ULK4: variants seen among roughly 807,000 people sequenced by gnomAD.
ULK4 encodes the protein unc-51 like kinase 4.
Under a neutral mutation model 160.6 loss-of-function variants are expected in ULK4, and 133 were observed. The ratio of observed to expected loss-of-function variants is 0.83; its 90% CI spans 0.72 to 0.96. ULK4 has a LOEUF of 0.96. Ranked by LOEUF, ULK4 falls within the 40% of genes least tolerant of loss-of-function variation. The pLI, the probability that ULK4 is intolerant of heterozygous loss-of-function variation, is 0.00. For synonymous variants in ULK4, 534 were observed against 539.8 expected (o/e 0.99, Z 0.15); for missense variants, 1,580 against 1,499.5 (o/e 1.05, Z -0.89).
At chr3:41,633,951 T>C (rs1004647932) in intron 30 of ULK4, among the ~76,000 whole-genome samples, 28 of 152,160 alleles carry the variant, frequency 1.8e-4, no homozygotes, top group Admixed American at 2.6e-4. Flanking sequence ...TGATCCTTAT[T>C]GTGAGGTAGT....
chr3:41,386,310 G>T (rs1331258005), intron 35 of ULK4, among the ~76,000 whole-genome samples: 1 of 152,022 alleles, frequency 6.6e-6, no homozygotes, highest in Non-Finnish European at 1.5e-5. Context: ...TCAAACACCA[G>T]ATCACTTTTT....
At chr3:41,925,717 G>A (rs1699361293) in intron 5 of ULK4, among the ~76,000 whole-genome samples, 2 of 152,080 alleles carry the variant, frequency 1.3e-5, no homozygotes, top group Non-Finnish European at 2.9e-5. Flanking sequence ...GCTTGGTGTG[G>A]GGAGGGGCAT....
chr3:41,364,823 C>A (rs2081222496), intron 35 of ULK4, among the ~76,000 whole-genome samples: 1 of 152,054 alleles, frequency 6.6e-6, no homozygotes, highest in Admixed American at 6.6e-5. Flanking sequence ...CTCTCAGATA[C>A]AAATCTTTTT....
intron 16 of ULK4, among the ~76,000 whole-genome samples, chr3:41,892,522 A>C (rs1197159721): frequency 6.6e-6 from 1 of 152,262 alleles, no homozygotes; most frequent in Non-Finnish European, 1.5e-5. Flanking sequence ...CTTAAAAAGG[A>C]ATGAAATGCT....
intron 35 of ULK4, among the ~76,000 whole-genome samples, chr3:41,304,400 AAG>A (rs1314942068): frequency 6.6e-6 from 1 of 152,200 alleles, no homozygotes; most frequent in African/African-American, 2.4e-5. Context: ...ACAAATATTT[AAG>A]AGAAGACAGT....
intron 21 of ULK4, among the ~76,000 whole-genome samples, chr3:41,764,015 T>C (rs1175922797): frequency 6.6e-6 from 1 of 152,238 alleles, no homozygotes; most frequent in Non-Finnish European, 1.5e-5. Context: ...CAAAGGATAA[T>C]ACATTTCTTA....
intron 31 of ULK4, among the ~76,000 whole-genome samples, chr3:41,588,649 T>A (rs1279840143): frequency 6.6e-6 from 1 of 152,152 alleles, no homozygotes; most frequent in African/African-American, 2.4e-5. Context: ...AAGACCTTAT[T>A]CCCTAATGCA....
intron 34 of ULK4, among the ~76,000 whole-genome samples, chr3:41,446,004 C>A (rs1301537334): frequency 2.6e-5 from 4 of 152,010 alleles, no homozygotes; most frequent in Non-Finnish European, 5.9e-5. Context: ...CAAGAATCTA[C>A]AATGAACTCA....
chr3:41,765,765 G>C (rs537820623), intron 21 of ULK4, among the ~76,000 whole-genome samples: 1 of 152,148 alleles, frequency 6.6e-6, no homozygotes, highest in African/African-American at 2.4e-5. Context: ...CTTTCAAAAT[G>C]AATATATTAT....
chr3:41,745,736 C>G (rs2038397763), intron 22 of ULK4, among the ~76,000 whole-genome samples: 1 of 151,372 alleles, frequency 6.6e-6, no homozygotes, highest in Non-Finnish European at 1.5e-5. Context: ...CTCTCATGAA[C>G]TTAAGGGAAA....
chr3:41,452,529 T>G (rs1460608776), intron 34 of ULK4, among the ~76,000 whole-genome samples: 2 of 152,182 alleles, frequency 1.3e-5, no homozygotes, highest in African/African-American at 4.8e-5. Context: ...AGCCACTCTG[T>G]GTTGGTGTTC....
intron 31 of ULK4, among the ~76,000 whole-genome samples, chr3:41,597,192 C>T (rs934051236): frequency 6.6e-6 from 1 of 152,150 alleles, no homozygotes; most frequent in African/African-American, 2.4e-5. Flanking sequence ...ATGGAAAAAT[C>T]TCAAAGTAAG....
intron 17 of ULK4, among the ~76,000 whole-genome samples, chr3:41,848,066 T>G (rs1420517389): frequency 1.3e-5 from 2 of 152,230 alleles, no homozygotes; most frequent in African/African-American, 4.8e-5. Flanking sequence ...ATTCTCTGCA[T>G]GTTAATTGGC....
At position 41,916,066 on chromosome 3, in the gene ULK4, A is replaced by G. The variant is rs767100086; in HGVS notation, c.728-14T>C. The G allele has an allele frequency of 6.5e-7, 1 of 1,526,754 alleles. No homozygotes were observed. The highest frequency in any genetic ancestry group is 8.8e-7 in the Non-Finnish European group (1 of 1,130,216). The allele number at this position is 1,526,754 out of a possible 1,614,324, so 94.6% of individuals were successfully genotyped here. A position where few individuals can be genotyped will look rare whatever the true frequency, so the allele number is the denominator to read the frequency against. On this transcript the variant is annotated splice_polypyrimidine_tract_variant and intron_variant, in intron 7 of 36. Coordinates refer to ENST00000301831, the MANE Select transcript of ULK4 (RefSeq NM_017886.4). ...GACGAGAAGAATCTATAAATGAATT[A>G]ATTTCCAAGAAAAAATGATAAGTAG...
chr3:41,780,371 A>C (rs1328211719), intron 21 of ULK4, among the ~76,000 whole-genome samples: 1 of 150,468 alleles, frequency 6.6e-6, no homozygotes, highest in Non-Finnish European at 1.5e-5. Flanking sequence ...AAAATATAAA[A>C]ATTTATATTA....
chr3:41,761,854 T>C lies in ULK4; in HGVS notation c.2194-7366A>G, dbSNP rs189876350. ...ACTATGGGAGACTGAGGCAGGAGAA[T>C]TGCTTGAGCTCAGGAGTTCCAGACC... On this transcript the variant is annotated intron_variant, in intron 21 of 36. Transcript: ENST00000301831. 1.5e-3 allele frequency among the ~76,000 whole-genome samples: 232 copies of C among 152,178 alleles called. 1 individual carries two copies. Among genetic ancestry groups the C allele is most frequent in the Non-Finnish European group, 2.3e-3 (157 of 68,004 alleles).
chr3:41,953,306 T>TATATATATATA (rs1447473585), intron 2 of ULK4, among the ~76,000 whole-genome samples: 1 of 91,832 alleles, frequency 1.1e-5, no homozygotes, highest in Non-Finnish European at 2.1e-5. Context: ...ATATATATAT[T>TATATATATATA]TTTTTTTTTT....
At chr3:41,387,784 T>C (rs1298972205) in intron 35 of ULK4, among the ~76,000 whole-genome samples, 2 of 152,220 alleles carry the variant, frequency 1.3e-5, no homozygotes, top group South Asian at 2.1e-4. Flanking sequence ...TGTTGGACAT[T>C]TGGGTTGGTT....
chr3:41,907,749 T>A, intron 12 of ULK4, 96 bp downstream of exon 12: 1 of 743,452 alleles, frequency 1.3e-6, no homozygotes. Context: ...TTATTGTAAA[T>A]TTTGTAATTA....
Sources: allele counts gnomAD v4.1 joint callset (sites outside exome capture counted in the v4.1 genomes callset), GRCh38; gene constraint gnomAD v4.1.1; transcripts MANE v1.5; gene names NCBI Gene and HGNC (gene_info 2026-07-23, HGNC 2026-07-21).